LANCL1: variants seen among roughly 807,000 people sequenced by gnomAD.
LANCL1 encodes the protein glutathione S-transferase LANCL1.
LANCL1 carries 50 observed loss-of-function variants against 50.6 expected under a neutral mutation model. The observed-to-expected ratio is 0.99, with a 90% confidence interval of 0.79 to 1.25. The LOEUF is 1.25. Ranked by LOEUF, LANCL1 falls within the 50% of genes most tolerant of loss-of-function variation. LANCL1 has a pLI of 0.00. For missense variants in LANCL1, 532 were observed against 480.7 expected (o/e 1.11, Z -1.00); for synonymous variants, 188 against 178.6 (o/e 1.05, Z -0.42).
rs746975501 is a variant in LANCL1 at position 210,437,813 on chromosome 2, G to T, written c.750C>A (p.Tyr250Ter). Reference protein sequence around the residue: ...LHSLVKPSVDYVCQLKFPSGN... With the variant: ...LHSLVKPSVD The stretch of plus-strand genomic sequence containing the variant: ...CAGAAGGGAATTTCAGCTGGCAGAC[G>T]TAGTCTACACTGGGCTTGACCAAAC... Residue 250 changes from tyrosine (Y) to a stop codon, truncating the protein, a stop_gained, in exon 7 of 10, where the codon TAC becomes TAA. Coordinates refer to ENST00000450366, the MANE Select transcript of LANCL1 (RefSeq NM_006055.3). LOFTEE classifies it high-confidence loss of function. The T allele has an allele frequency of 3.7e-6, 6 of 1,613,362 alleles. No homozygotes were observed. The Admixed American group carries it at 1.0e-4, about 27-fold the overall frequency.
chr2:210,455,436 AAGTTTGGGTGACTTT>A (rs1693645262), intron 3 of LANCL1, 122 bp from the exon 4 acceptor site: 1 of 783,164 alleles, frequency 1.3e-6, no homozygotes. Flanking sequence ...AATGATCTGG[AAGTTTGGGTGACTTT>A]AATTCTAGGC....
chr2:210,473,620 A>G (rs756646146), intron 2 of LANCL1, among the ~76,000 whole-genome samples: 9 of 152,192 alleles, frequency 5.9e-5, no homozygotes, highest in Non-Finnish European at 1.0e-4. Context: ...TTAACACTGA[A>G]AACAGCAAGA....
chr2:210,434,671 G>A (rs934325549), intron 9 of LANCL1, 108 bp from the exon 10 acceptor site: 4 of 862,382 alleles, frequency 4.6e-6, no homozygotes, highest in Non-Finnish European at 7.4e-6. Flanking sequence ...CAGCATTTCA[G>A]TCTATTCAAA....
intron 2 of LANCL1, among the ~76,000 whole-genome samples, chr2:210,475,447 T>C (rs985245429): frequency 7.2e-5 from 11 of 152,136 alleles, no homozygotes; most frequent in Admixed American, 3.9e-4. Context: ...TTCTCCCGCC[T>C]CAGCCTCCCA....
At chr2:210,467,402 CTTTA>C (rs1694099900) in intron 3 of LANCL1, among the ~76,000 whole-genome samples, 1 of 152,170 alleles carries the variant, frequency 6.6e-6, no homozygotes, top group Non-Finnish European at 1.5e-5. Context: ...AAGACCAATT[CTTTA>C]TTTTCCTCCT....
intron 3 of LANCL1, among the ~76,000 whole-genome samples, chr2:210,458,931 A>C (rs1693752277): frequency 6.6e-6 from 1 of 152,184 alleles, no homozygotes; most frequent in African/African-American, 2.4e-5. Flanking sequence ...TCTTTTTATC[A>C]AAGAATATGC....
At chr2:210,436,803 G>T (rs1692948539) in intron 7 of LANCL1, among the ~76,000 whole-genome samples, 1 of 152,074 alleles carries the variant, frequency 6.6e-6, no homozygotes, top group Non-Finnish European at 1.5e-5. Context: ...TATTAAATAT[G>T]CAGTCAGAAA....
chr2:210,475,609 T>C (rs1033285961), intron 2 of LANCL1, among the ~76,000 whole-genome samples: 5 of 152,200 alleles, frequency 3.3e-5, no homozygotes, highest in African/African-American at 7.2e-5. Context: ...TCGGGATTAA[T>C]GGTGTGAGCC....
chr2:210,464,502 T>G (rs1025818514), intron 3 of LANCL1, among the ~76,000 whole-genome samples: 2 of 152,058 alleles, frequency 1.3e-5, no homozygotes, highest in Admixed American at 6.5e-5. Context: ...TTTTTGGGCT[T>G]CTGTCGACAA....
chr2:210,469,966 G>A (rs1432888333), intron 3 of LANCL1, among the ~76,000 whole-genome samples: 1 of 102,376 alleles, frequency 9.8e-6, no homozygotes, highest in African/African-American at 4.1e-5. Context: ...GAATTAACTA[G>A]TGATTTTTTT....
chr2:210,471,584 G>C, intron 3 of LANCL1: 2 of 466,934 alleles, frequency 4.3e-6, no homozygotes, highest in South Asian at 1.5e-5. Flanking sequence ...TTATTCCTGA[G>C]ATCAATCCTC....
At chr2:210,438,574 G>C (rs555493651) in intron 6 of LANCL1, among the ~76,000 whole-genome samples, 1 of 152,268 alleles carries the variant, frequency 6.6e-6, no homozygotes, top group Non-Finnish European at 1.5e-5. Flanking sequence ...AAGTCACAAA[G>C]AGATGCACTG....
intron 6 of LANCL1, among the ~76,000 whole-genome samples, chr2:210,438,133 CTT>C (rs397869730): frequency 4.6e-5 from 6 of 130,610 alleles, no homozygotes; most frequent in Admixed American, 1.5e-4. Context: ...GTTTTTCTTT[CTT>C]TTTTTTTTTT....
At chr2:210,475,373 C>T (rs1213273059) in intron 2 of LANCL1, among the ~76,000 whole-genome samples, 1 of 152,140 alleles carries the variant, frequency 6.6e-6, no homozygotes, top group Non-Finnish European at 1.5e-5. Flanking sequence ...CTCTGTCACC[C>T]AGGCTAGAGT....
chr2:210,468,712 C>T (rs950835736), intron 3 of LANCL1: 2 of 152,234 alleles, frequency 1.3e-5, no homozygotes, highest in African/African-American at 4.8e-5. Context: ...ATGACTGGAT[C>T]TTCAGCAGCC....
At chr2:210,462,855 CTTAT>C (rs1201792651) in intron 3 of LANCL1, among the ~76,000 whole-genome samples, 1 of 152,176 alleles carries the variant, frequency 6.6e-6, no homozygotes, top group Admixed American at 6.5e-5. Flanking sequence ...TACTCTGACT[CTTAT>C]TTCTTTTAAT....
At chr2:210,461,293 CTA>C (rs1218073046) in intron 3 of LANCL1, among the ~76,000 whole-genome samples, 1 of 152,000 alleles carries the variant, frequency 6.6e-6, no homozygotes, top group Non-Finnish European at 1.5e-5. Flanking sequence ...TCTACTTGTC[CTA>C]ACACCTCTGG....
intron 3 of LANCL1, among the ~76,000 whole-genome samples, chr2:210,463,978 C>T (rs569536472): frequency 6.6e-6 from 1 of 152,238 alleles, no homozygotes; most frequent in African/African-American, 2.4e-5. Flanking sequence ...AATCTCTTCA[C>T]TATTTCATAC....
chr2:210,439,335 T>C (rs1206773271), intron 6 of LANCL1, among the ~76,000 whole-genome samples: 1 of 152,200 alleles, frequency 6.6e-6, no homozygotes, highest in African/African-American at 2.4e-5. Context: ...TTTGTTTCAA[T>C]GAAAGTTTGA....
Sources: gnomAD v4.1 joint callset for allele counts (sites outside exome capture counted in the v4.1 genomes callset) on GRCh38, gnomAD v4.1.1 for gene constraint, MANE v1.5 for transcripts, NCBI Gene and HGNC (gene_info 2026-07-23, HGNC 2026-07-21) for gene names.